L3MBTL4: variants seen among roughly 807,000 people sequenced by gnomAD.
The protein encoded by L3MBTL4 is L3MBTL histone methyl-lysine binding protein 4.
A neutral mutation model predicts 84.5 loss-of-function variants in L3MBTL4; 70 were observed. The observed-to-expected ratio is 0.83, with a 90% CI of 0.68 to 1.01. The LOEUF is 1.01. Ranked by LOEUF, L3MBTL4 falls within the 50% of genes least tolerant of loss-of-function variation. The pLI is 0.00. For missense variants in L3MBTL4, 715 were observed against 754.8 expected (o/e 0.95, Z 0.62); for synonymous variants, 274 against 259.8 (o/e 1.05, Z -0.52).
chr18:6,156,856 C>G (rs767409190), intron 13 of L3MBTL4, among the ~76,000 whole-genome samples: 13 of 152,208 alleles, frequency 8.5e-5, no homozygotes, highest in African/African-American at 2.7e-4. Flanking sequence ...CTATGCCACA[C>G]TGCATCGCAA....
chr18:6,410,152 C>T (rs376724497), intron 1 of L3MBTL4, among the ~76,000 whole-genome samples: 1 of 152,250 alleles, frequency 6.6e-6, no homozygotes, highest in African/African-American at 2.4e-5. Flanking sequence ...AGGCCCTGCC[C>T]TCCTGTCTCA....
At chr18:6,234,963 T>C (rs1226271856) in intron 10 of L3MBTL4, among the ~76,000 whole-genome samples, 1 of 152,118 alleles carries the variant, frequency 6.6e-6, no homozygotes, top group Non-Finnish European at 1.5e-5. Context: ...GTGGCACATA[T>C]ACACCATGAA....
rs894470294 is a variant in L3MBTL4 at position 6,243,450 on chromosome 18, A to T, written c.325-21T>A. On this transcript the variant is annotated intron_variant, in intron 6 of 18. Transcript: ENST00000317931. ...CAAACCTGCAAGATAGAAAGTTTAC[A>T]ATCATTCGTTAAGTGTCATATATTT... is the stretch of plus-strand genomic sequence containing the variant. 5.1e-6 allele frequency: 8 copies of T among 1,565,382 alleles called. No individual in the cohort carries two copies. The African/African-American group carries it at 5.5e-5, about 11-fold the overall frequency.
chr18:6,153,985 A>T (rs1050676349), intron 13 of L3MBTL4, among the ~76,000 whole-genome samples: 14 of 152,194 alleles, frequency 9.2e-5, no homozygotes, highest in African/African-American at 3.1e-4. Flanking sequence ...ATATGCACAA[A>T]AGATTACAGT....
intron 16 of L3MBTL4, among the ~76,000 whole-genome samples, chr18:6,048,776 A>G (rs1189072083): frequency 3.6e-5 from 5 of 139,032 alleles, no homozygotes; most frequent in African/African-American, 5.7e-5. Context: ...GCAACCGAGT[A>G]AGACTCCATC....
intron 13 of L3MBTL4, among the ~76,000 whole-genome samples, chr18:6,160,696 A>C (rs1459203922): frequency 7.2e-6 from 1 of 138,772 alleles, no homozygotes; most frequent in Non-Finnish European, 1.5e-5. Flanking sequence ...GCACCATTAC[A>C]CCCCAGCTTG....
intron 3 of L3MBTL4, among the ~76,000 whole-genome samples, chr18:6,308,708 T>C (rs2050698612): frequency 6.6e-6 from 1 of 152,184 alleles, no homozygotes; most frequent in Non-Finnish European, 1.5e-5. Context: ...GGGATGTGTG[T>C]ATGTATGTGT....
At chr18:6,347,284 A>G (rs1217758136) in intron 1 of L3MBTL4, among the ~76,000 whole-genome samples, 2 of 151,938 alleles carry the variant, frequency 1.3e-5, no homozygotes, top group Non-Finnish European at 2.9e-5. Flanking sequence ...ATAACTAACA[A>G]TACTGTATTG....
At chr18:6,050,068 G>A (rs2056785324) in intron 16 of L3MBTL4, among the ~76,000 whole-genome samples, 1 of 152,124 alleles carries the variant, frequency 6.6e-6, no homozygotes, top group Non-Finnish European at 1.5e-5. Flanking sequence ...AGGATACTGA[G>A]TATTATAAGT....
intron 1 of L3MBTL4, among the ~76,000 whole-genome samples, chr18:6,315,850 A>T (rs1050446658): frequency 6.6e-6 from 1 of 152,154 alleles, no homozygotes; most frequent in Admixed American, 6.5e-5. Context: ...TTTTTAAAAA[A>T]TTTTGCCTTT....
Position 6,344,168 on chromosome 18 carries a change from A to G in L3MBTL4, c.-90-32112T>C, listed in dbSNP as rs1212292677. On this transcript the variant is annotated intron_variant, in intron 1 of 18. Transcript: ENST00000317931. ...TTTAGCCATACTAACAATGAAAAAA[A>G]GAGATGATTCCAATAAATAAAATCA... Among the ~76,000 whole-genome samples, 3 of 152,256 alleles carry G rather than the reference A, an allele frequency of 2.0e-5. No individual in the cohort carries two copies. In the East Asian group the frequency reaches 5.8e-4, roughly 29 times the overall value.
At chr18:6,053,945 A>G (rs1050784079) in intron 16 of L3MBTL4, among the ~76,000 whole-genome samples, 5 of 152,248 alleles carry the variant, frequency 3.3e-5, no homozygotes, top group East Asian at 1.9e-4. Context: ...GTTAAGTTCT[A>G]TACTTCAGAA....
In L3MBTL4 at chr18:6,065,077, G is replaced by T. The variant is rs592254; in HGVS notation, c.1444+15804C>A. 6.2e-3 allele frequency among the ~76,000 whole-genome samples: 940 copies of T among 151,934 alleles called. 8 individuals are homozygous for T. The highest frequency in any genetic ancestry group is 0.021 in the African/African-American group (857 of 41,506). ...GAATAAAGGGATGTTGAATTTTATAGAATGCTTTTTCTGTGTCTATTGAGA... is the reference window on the plus strand; with the variant it reads ...GAATAAAGGGATGTTGAATTTTATATAATGCTTTTTCTGTGTCTATTGAGA... On this transcript the variant is annotated intron_variant, in intron 16 of 18. Transcript: ENST00000317931.
intron 5 of L3MBTL4, among the ~76,000 whole-genome samples, chr18:6,246,918 A>T (rs2047688861): frequency 6.6e-6 from 1 of 152,114 alleles, no homozygotes; most frequent in African/African-American, 2.4e-5. Context: ...AAAAAAAATT[A>T]TTCCACTGGG....
chr18:6,306,403 C>A (rs1328751839), intron 3 of L3MBTL4, among the ~76,000 whole-genome samples: 1 of 152,000 alleles, frequency 6.6e-6, no homozygotes, highest in African/African-American at 2.4e-5. Flanking sequence ...ATACAAAAAA[C>A]AAAAAGCAAA....
intron 18 of L3MBTL4, 97 bp from the exon 19 acceptor site, chr18:5,956,484 G>C (rs3737357): frequency 0.39 from 420,607 of 1,089,738 alleles, 82,324 homozygotes; most frequent in East Asian, 0.47. Flanking sequence ...TGTGGAACCC[G>C]TCATAGCCTC....
At chr18:6,010,813 T>A (rs1043100637) in intron 16 of L3MBTL4, among the ~76,000 whole-genome samples, 2 of 152,178 alleles carry the variant, frequency 1.3e-5, no homozygotes, top group Non-Finnish European at 2.9e-5. Flanking sequence ...TCCCTGTGGG[T>A]TTATACCTAA....
intron 12 of L3MBTL4, among the ~76,000 whole-genome samples, chr18:6,198,496 G>A (rs2045507073): frequency 6.6e-6 from 1 of 152,104 alleles, no homozygotes. Context: ...GCTGTATAAT[G>A]CATATTTTTC....
intron 17 of L3MBTL4, 65 bp downstream of exon 17, chr18:5,969,328 C>A: frequency 6.4e-7 from 1 of 1,561,476 alleles, no homozygotes; most frequent in Non-Finnish European, 8.8e-7. Flanking sequence ...GGTCAGTGGG[C>A]ACCTTCCGCC....
Sources: allele counts gnomAD v4.1 joint callset (sites outside exome capture counted in the v4.1 genomes callset), GRCh38; gene constraint gnomAD v4.1.1; transcripts MANE v1.5; gene names NCBI Gene and HGNC (gene_info 2026-07-23, HGNC 2026-07-21).